Variants in RCAN1 observed in about 807,000 individuals in gnomAD.
The protein encoded by RCAN1 is calcipressin-1.
In RCAN1, 11 loss-of-function variants were observed where a neutral mutation model predicts 22.9. That is an observed-to-expected ratio of 0.48 (90% CI 0.30 to 0.79). RCAN1 has a LOEUF of 0.79. RCAN1 is among the 30% of genes least tolerant of loss of function. The pLI is 0.06. For synonymous variants in RCAN1, 136 were observed against 142.3 expected, an observed-to-expected ratio of 0.96 and a Z score of 0.32; for missense variants, 291 against 337.8, an observed-to-expected ratio of 0.86 and a Z score of 1.09.
intron 1 of RCAN1, among the ~76,000 whole-genome samples, chr21:34,590,610 T>A (rs1987939655): frequency 6.6e-6 from 1 of 152,246 alleles, no homozygotes; most frequent in South Asian, 2.1e-4. Flanking sequence ...TCCCAGCACC[T>A]GCTCAGCACC....
At chr21:34,571,756 C>T (rs1987240439) in intron 1 of RCAN1, among the ~76,000 whole-genome samples, 1 of 152,182 alleles carries the variant, frequency 6.6e-6, no homozygotes, top group African/African-American at 2.4e-5. Context: ...GCATGTTGCT[C>T]AGGCTGGTCT....
At position 34,614,938 on chromosome 21, in the gene RCAN1, C is replaced by A. The variant is rs561751200; in HGVS notation, c.74G>T (p.Arg25Leu). 1.2e-4 allele frequency: 156 copies of A among 1,280,276 alleles called. No individual in the cohort carries two copies. In the African/African-American group the frequency reaches 2.2e-3, roughly 18 times the overall value. 79.3% of individuals were successfully genotyped at this position (1,280,276 alleles called of 1,614,324 possible). A position where few individuals can be genotyped will look rare whatever the true frequency, so the allele number is the denominator to read the frequency against. The change falls in exon 1 of 4, where the codon CGG becomes CTG. Residue 25 changes from arginine to leucine, a missense_variant. Physicochemically the swap from Arg to Leu is moderately radical, Grantham distance 102. Coordinates refer to ENST00000313806, the MANE Select transcript of RCAN1 (RefSeq NM_004414.7). This position sits in a 1 kb window ranked among gnomAD's most constrained non-coding sequence, Gnocchi z 6.0. ...GAAGGGCCGCAGCGTCACCCCGGGC[C>A]GCGCTCGCGCCTCGGCCGCCTCCGC... The part of the protein sequence containing the change: ...EAAEAAEARA[R>L]PGVTLRPFAP...
At chr21:34,525,271 G>A (rs1287082872) in intron 1 of RCAN1, 1 of 1,550,622 alleles carries the variant, frequency 6.4e-7, no homozygotes, top group Admixed American at 2.0e-5. Context: ...GGTCGTTAAG[G>A]AGCAGTCGGA....
At chr21:34,577,181 G>A (rs781301077) in intron 1 of RCAN1, among the ~76,000 whole-genome samples, 3 of 152,114 alleles carry the variant, frequency 2.0e-5, no homozygotes, top group Non-Finnish European at 2.9e-5. Context: ...GACACAACAG[G>A]GTCCAAATGA....
chr21:34,557,200 G>C (rs1463343278), intron 1 of RCAN1, among the ~76,000 whole-genome samples: 1 of 152,158 alleles, frequency 6.6e-6, no homozygotes, highest in Non-Finnish European at 1.5e-5. Flanking sequence ...GTGACAGAGT[G>C]AGACTCTGTT....
chr21:34,531,354 C>T (rs74321348), intron 1 of RCAN1, among the ~76,000 whole-genome samples: 3,127 of 152,262 alleles, frequency 0.021, 90 homozygotes, highest in South Asian at 0.066. Context: ...CCCTGTGGTA[C>T]TGTAGCTCAT....
intron 1 of RCAN1, among the ~76,000 whole-genome samples, chr21:34,558,183 C>T (rs957628093): frequency 2.0e-5 from 3 of 152,124 alleles, no homozygotes; most frequent in African/African-American, 2.4e-5. Context: ...AGAGATTCTC[C>T]CTCTCGAACT....
In RCAN1 at chr21:34,549,216, C is replaced by G. The variant is rs1052154517; in HGVS notation, c.253-25506G>C. On this transcript the variant is annotated intron_variant, in intron 1 of 3. Coordinates refer to ENST00000313806, the MANE Select transcript of RCAN1 (RefSeq NM_004414.7). ...GTGTTGGTGTGCTCTGACTCATGCTCTCAGTGGCCCTCGAAGGCACCAGGT... is the reference window on the plus strand; with the variant it reads ...GTGTTGGTGTGCTCTGACTCATGCTGTCAGTGGCCCTCGAAGGCACCAGGT... Among the ~76,000 whole-genome samples the G allele has an allele frequency of 5.3e-5, 8 of 152,300 alleles. No individual in the cohort carries two copies. The East Asian group carries it at 9.6e-4, about 18-fold the overall frequency.
chr21:34,608,327 C>T (rs1988592145), intron 1 of RCAN1, among the ~76,000 whole-genome samples: 1 of 152,154 alleles, frequency 6.6e-6, no homozygotes, highest in Admixed American at 6.5e-5. Context: ...TATTTACACC[C>T]TTTTGTAATT....
At chr21:34,521,346 A>G in intron 3 of RCAN1, 153 bp downstream of exon 3, 2 of 1,515,158 alleles carry the variant, frequency 1.3e-6, no homozygotes, top group East Asian at 2.5e-5. Context: ...CTCCCAGCAC[A>G]AGGGACGGTG....
intron 1 of RCAN1, among the ~76,000 whole-genome samples, chr21:34,580,873 A>C (rs1287422158): frequency 6.6e-6 from 1 of 152,180 alleles, no homozygotes; most frequent in Non-Finnish European, 1.5e-5. Flanking sequence ...TGTCTCGTGC[A>C]CCTACGTATG....
At chr21:34,580,681 G>T (rs1987574284) in intron 1 of RCAN1, among the ~76,000 whole-genome samples, 1 of 152,170 alleles carries the variant, frequency 6.6e-6, no homozygotes, top group South Asian at 2.1e-4. Flanking sequence ...TTGGCTCCCG[G>T]ATGCTTTCTC....
intron 1 of RCAN1, among the ~76,000 whole-genome samples, chr21:34,595,690 C>T (rs1230365532): frequency 6.6e-6 from 1 of 152,212 alleles, no homozygotes; most frequent in Non-Finnish European, 1.5e-5. Flanking sequence ...TCTCAACTGG[C>T]AGCAGATTCA....
rs75157615 is a variant in RCAN1, at chr21:34,579,753, C to T, written c.252+35007G>A. ...CGAGAGTCTCAAAATAGACCCCAGT[C>T]TCCCATTTCCTTCAAATTACATTTT... is the stretch of plus-strand genomic sequence containing the variant. On this transcript the variant is annotated intron_variant, in intron 1 of 3. Transcript: ENST00000313806. Among the ~76,000 whole-genome samples, 911 of 152,232 alleles carry T rather than the reference C, an allele frequency of 6.0e-3. 28 individuals carry two copies. The East Asian group carries it at 0.092, about 15-fold the overall frequency.
intron 1 of RCAN1, among the ~76,000 whole-genome samples, chr21:34,534,163 A>G (rs938522401): frequency 6.6e-5 from 10 of 151,968 alleles, no homozygotes; most frequent in African/African-American, 2.4e-4. Flanking sequence ...GAAGCAAGGT[A>G]CCCATGAGGA....
chr21:34,543,036 C>A (rs1191793918), intron 1 of RCAN1, among the ~76,000 whole-genome samples: 1 of 152,212 alleles, frequency 6.6e-6, no homozygotes, highest in Non-Finnish European at 1.5e-5. Context: ...ATCACAGGAC[C>A]TACCTCATGT....
intron 1 of RCAN1, among the ~76,000 whole-genome samples, chr21:34,612,706 C>T (rs1313643661): frequency 6.6e-6 from 1 of 152,258 alleles, no homozygotes; most frequent in Non-Finnish European, 1.5e-5. Flanking sequence ...CTCAACTCCA[C>T]ACCTTCAAGT....
chr21:34,541,226 G>A (rs1985899039), intron 1 of RCAN1, among the ~76,000 whole-genome samples: 1 of 152,136 alleles, frequency 6.6e-6, no homozygotes, highest in African/African-American at 2.4e-5. Flanking sequence ...GTCTAGCTAG[G>A]TATATAAGAA....
chr21:34,544,900 C>G (rs1322022451), intron 1 of RCAN1, among the ~76,000 whole-genome samples: 7 of 152,182 alleles, frequency 4.6e-5, no homozygotes, highest in Non-Finnish European at 1.0e-4. Context: ...GCAGGAGAGC[C>G]TTTTAAAGAC....
Sources: allele counts gnomAD v4.1 joint callset (sites outside exome capture counted in the v4.1 genomes callset), GRCh38; gene constraint gnomAD v4.1.1; non-coding constraint Gnocchi (gnomAD v3.1); transcripts MANE v1.5; gene names NCBI Gene and HGNC (gene_info 2026-07-23, HGNC 2026-07-21).